The following SLC8A1 variants were observed in gnomAD, a reference collection of about 807,000 sequenced individuals.
The protein encoded by SLC8A1 is solute carrier family 8 member A1.
In SLC8A1, 18 loss-of-function variants were observed where a neutral mutation model predicts 68.3. The observed-to-expected ratio is 0.26, with a 90% CI of 0.18 to 0.39. The LOEUF (loss-of-function observed/expected upper bound fraction) is 0.39. Among genes scored for constraint, SLC8A1 ranks in the 10% least tolerant of loss-of-function variants. The pLI, the probability that SLC8A1 is intolerant of heterozygous loss-of-function variation, is 1.00. For synonymous variants in SLC8A1, 475 were observed against 415.5 expected, an observed-to-expected ratio of 1.14 and a Z score of -1.74; for missense variants, 985 against 1,156.7, an observed-to-expected ratio of 0.85 and a Z score of 2.15.
At chr2:40,163,628 A>G (rs1487242916) in intron 5 of SLC8A1, among the ~76,000 whole-genome samples, 3 of 152,136 alleles carry the variant, frequency 2.0e-5, no homozygotes, top group African/African-American at 7.2e-5. Flanking sequence ...TGTGTCATAC[A>G]ATGGGGGTCT....
At chr2:40,203,029 G>C (rs1574002261) in intron 2 of SLC8A1, among the ~76,000 whole-genome samples, 1 of 151,908 alleles carries the variant, frequency 6.6e-6, no homozygotes, top group African/African-American at 2.4e-5. Flanking sequence ...GCTAGGCTTG[G>C]AGCCCACTCA....
rs201739617 is a variant in SLC8A1 at position 40,277,229 on chromosome 2, G to GTTT, written c.1809-99377_1809-99375dup. Among the ~76,000 whole-genome samples, 1,341 of 149,622 alleles carry GTTT rather than the reference G, an allele frequency of 9.0e-3. 17 individuals carry two copies. Among genetic ancestry groups the GTTT allele is most frequent in the African/African-American group, 0.029 (1,197 of 40,902 alleles). The stretch of plus-strand genomic sequence containing the variant: ...CAAGTTACTTGCCCTCTCTATGCCT[G>GTTT]TTTTTTTTTTATTTTTAAAACAGAG... On this transcript the variant is annotated intron_variant, in intron 2 of 7. Transcript: ENST00000406785.
chr2:40,459,874 C>T (rs900688100), intron 1 of SLC8A1, among the ~76,000 whole-genome samples: 1 of 152,208 alleles, frequency 6.6e-6, no homozygotes, highest in Non-Finnish European at 1.5e-5. Flanking sequence ...CACACACACA[C>T]TCTTCCACAA....
rs2064614232 is a variant in SLC8A1, at chr2:40,260,930, C to A, written c.1809-83075G>T. Among the ~76,000 whole-genome samples the A allele has an allele frequency of 2.6e-5, 4 of 151,844 alleles. No individual in the cohort carries two copies. In the South Asian group the frequency reaches 8.3e-4, roughly 32 times the overall value. ...GAACTTTTCATCTTATTTCCATCCA[C>A]AAATTAAAAGGGATGGAATTACTCA... On this transcript the variant is annotated intron_variant, in intron 2 of 7. Transcript: ENST00000406785.
At chr2:40,371,274 C>G (rs1421819110) in intron 2 of SLC8A1, among the ~76,000 whole-genome samples, 1 of 152,030 alleles carries the variant, frequency 6.6e-6, no homozygotes, top group African/African-American at 2.4e-5. Context: ...AAGCAAATTG[C>G]TCAAGTTAAA....
At chr2:40,118,215 A>G (rs2125086854) in intron 7 of SLC8A1, 2 of 152,320 alleles carry the variant, frequency 1.3e-5, no homozygotes, top group Middle Eastern at 6.8e-3. Flanking sequence ...GTCTTAGCAA[A>G]TGTGAATTTT....
At chr2:40,374,845 T>C (rs1334665125) in intron 2 of SLC8A1, among the ~76,000 whole-genome samples, 2 of 152,144 alleles carry the variant, frequency 1.3e-5, no homozygotes, top group South Asian at 2.1e-4. Flanking sequence ...GTTTAAGGAC[T>C]TTTTTTAAGA....
exon 8 of SLC8A1, chr2:40,112,468 A>G (rs1437169214): frequency 6.6e-6 from 1 of 152,498 alleles, no homozygotes; most frequent in Non-Finnish European, 1.5e-5. Context: ...ACAAACCAAA[A>G]AGCTTTCAAA....
chr2:40,157,497 T>C (rs1375204579), intron 6 of SLC8A1, among the ~76,000 whole-genome samples: 3 of 152,186 alleles, frequency 2.0e-5, no homozygotes, highest in African/African-American at 7.2e-5. Context: ...ATATGGTGGT[T>C]GTGGAACTGG....
intron 2 of SLC8A1, among the ~76,000 whole-genome samples, chr2:40,427,524 C>G (rs1378127800): frequency 1.3e-5 from 2 of 151,944 alleles, no homozygotes; most frequent in Non-Finnish European, 2.9e-5. Flanking sequence ...CCTTTCCCCC[C>G]AGAAATTGTT....
At chr2:40,229,318 C>T (rs1025382444) in intron 2 of SLC8A1, among the ~76,000 whole-genome samples, 4 of 152,070 alleles carry the variant, frequency 2.6e-5, no homozygotes, top group Non-Finnish European at 5.9e-5. Flanking sequence ...GAAAATGCCA[C>T]TGTTCAACAG....
intron 1 of SLC8A1, among the ~76,000 whole-genome samples, chr2:40,437,786 C>T (rs961132922): frequency 3.0e-4 from 46 of 152,078 alleles, no homozygotes; most frequent in African/African-American, 1.0e-3. Context: ...ACAACACATT[C>T]GTTTATGGTT....
At chr2:40,270,605 T>A (rs1032982053) in intron 2 of SLC8A1, among the ~76,000 whole-genome samples, 2 of 152,216 alleles carry the variant, frequency 1.3e-5, no homozygotes, top group African/African-American at 2.4e-5. Context: ...GGAAAAGCAT[T>A]CTGCTTTTAA....
chr2:40,457,342 T>C (rs1433340362), intron 1 of SLC8A1, among the ~76,000 whole-genome samples: 2 of 152,192 alleles, frequency 1.3e-5, no homozygotes, highest in Admixed American at 1.3e-4. Flanking sequence ...GAGATTACAC[T>C]TCAGCCTTTT....
intron 2 of SLC8A1, among the ~76,000 whole-genome samples, chr2:40,224,633 T>C (rs546207891): frequency 6.5e-4 from 99 of 152,196 alleles, no homozygotes; most frequent in African/African-American, 2.0e-3. Flanking sequence ...GACAAACTGA[T>C]TGCTTAGGCT....
intron 2 of SLC8A1, among the ~76,000 whole-genome samples, chr2:40,344,844 C>G (rs999199968): frequency 2.6e-5 from 4 of 152,166 alleles, no homozygotes; most frequent in Non-Finnish European, 4.4e-5. Context: ...ATACTCAAAA[C>G]TGAACATTCA....
At chr2:40,232,262 T>A (rs987638474) in intron 2 of SLC8A1, among the ~76,000 whole-genome samples, 27 of 152,122 alleles carry the variant, frequency 1.8e-4, no homozygotes, top group Non-Finnish European at 5.9e-5. Context: ...ACTGTAGAGA[T>A]GTAACAGAAG....
intron 2 of SLC8A1, among the ~76,000 whole-genome samples, chr2:40,350,908 G>A (rs1196989506): frequency 1.3e-5 from 2 of 151,968 alleles, no homozygotes; most frequent in Non-Finnish European, 2.9e-5. Context: ...AAGAAAATTG[G>A]GGCTTTAAGA....
At chr2:40,451,233 G>C (rs888792412) in intron 1 of SLC8A1, among the ~76,000 whole-genome samples, 15 of 152,142 alleles carry the variant, frequency 9.9e-5, no homozygotes, top group Non-Finnish European at 1.3e-4. Context: ...CAATCTCTTG[G>C]GGAAAGATGC....
Sources: allele counts gnomAD v4.1 joint callset (sites outside exome capture counted in the v4.1 genomes callset), GRCh38; gene constraint gnomAD v4.1.1; transcripts MANE v1.5; gene names NCBI Gene and HGNC (gene_info 2026-07-23, HGNC 2026-07-21).